The following RYK variants were observed in gnomAD, a reference collection of about 807,000 sequenced individuals.
RYK encodes inactive tyrosine-protein kinase RYK.
In RYK, 21 loss-of-function variants were observed where a neutral mutation model predicts 70.2. That is an observed-to-expected ratio of 0.30 (90% confidence interval 0.21 to 0.43). The LOEUF (loss-of-function observed/expected upper bound fraction) is 0.43. Ranked by LOEUF, RYK falls within the 20% of genes least tolerant of loss-of-function variation. The pLI is 1.00. For missense variants in RYK, 604 were observed against 753.3 expected, an observed-to-expected ratio of 0.80 and a Z score of 2.32; for synonymous variants, 267 against 278.0, an observed-to-expected ratio of 0.96 and a Z score of 0.39.
At chr3:134,196,140 A>G (rs1331000846) in intron 6 of RYK, among the ~76,000 whole-genome samples, 2 of 152,180 alleles carry the variant, frequency 1.3e-5, no homozygotes, top group Non-Finnish European at 2.9e-5. Flanking sequence ...CCTTGTGTTC[A>G]AGATTACTGC....
intron 13 of RYK, among the ~76,000 whole-genome samples, chr3:134,165,274 G>C (rs913416856): frequency 6.6e-6 from 1 of 151,932 alleles, no homozygotes. Context: ...TAGCTTTTTT[G>C]TATATCATAC....
At chr3:134,225,800 T>C (rs958543742) in intron 1 of RYK, among the ~76,000 whole-genome samples, 1 of 151,650 alleles carries the variant, frequency 6.6e-6, no homozygotes, top group Non-Finnish European at 1.5e-5. Flanking sequence ...GAGGTTACCA[T>C]GAGCTATGAT....
intron 6 of RYK, among the ~76,000 whole-genome samples, chr3:134,199,109 CGT>C (rs2013906484): frequency 6.6e-6 from 1 of 152,124 alleles, no homozygotes; most frequent in Admixed American, 6.5e-5. Context: ...ACTCATCAGG[CGT>C]AACAAAGAGA....
intron 13 of RYK, among the ~76,000 whole-genome samples, chr3:134,161,067 G>A (rs765415863): frequency 1.1e-4 from 17 of 152,140 alleles, no homozygotes; most frequent in Non-Finnish European, 2.5e-4. Context: ...AATACAGAGT[G>A]CTGAAAATAT....
At chr3:134,166,158 A>G (rs1224727325) in intron 13 of RYK, among the ~76,000 whole-genome samples, 4 of 152,172 alleles carry the variant, frequency 2.6e-5, no homozygotes. Context: ...TGATGGTATT[A>G]GGAGTTGGGG....
intron 1 of RYK, 88 bp downstream of exon 1, chr3:134,250,335 T>C: frequency 2.7e-6 from 2 of 742,932 alleles, no homozygotes; most frequent in African/African-American, 1.9e-5. Context: ...TCGCCCGAGG[T>C]CCACGGCTCG....
intron 1 of RYK, among the ~76,000 whole-genome samples, chr3:134,227,559 A>G (rs915638529): frequency 3.9e-5 from 6 of 152,116 alleles, no homozygotes; most frequent in African/African-American, 1.4e-4. Flanking sequence ...AAAAACCTTA[A>G]AATGAAAATT....
At chr3:134,235,819 A>G (rs2015185464) in intron 1 of RYK, among the ~76,000 whole-genome samples, 1 of 152,150 alleles carries the variant, frequency 6.6e-6, no homozygotes, top group African/African-American at 2.4e-5. Context: ...CAATCTATTC[A>G]GTAATGCTTT....
intron 13 of RYK, among the ~76,000 whole-genome samples, chr3:134,162,340 T>G (rs2012505864): frequency 6.6e-6 from 1 of 151,956 alleles, no homozygotes; most frequent in Admixed American, 6.6e-5. Context: ...TCTCATTCAC[T>G]TTGACAGCAG....
intron 1 of RYK, among the ~76,000 whole-genome samples, chr3:134,232,177 T>A (rs775280320): frequency 4.6e-5 from 7 of 152,172 alleles, no homozygotes; most frequent in Non-Finnish European, 1.0e-4. Flanking sequence ...CTCTTGTTTC[T>A]CCCATTCTAT....
In RYK at chr3:134,175,949, G is replaced by A; in HGVS notation, c.1396C>T (p.Leu466=). Reference sequence around the variant, plus strand: ...ACCTACACACAGTTCCTGGCAGCCAGGTCTTTGTGGATGACTTCCCTTCTG... The same window carrying A: ...ACCTACACACAGTTCCTGGCAGCCAAGTCTTTGTGGATGACTTCCCTTCTG... ...LARREVIHKD[L]AARNCVIDDT... is the part of the protein sequence containing the mutation. The change falls in exon 12 of 15, where the codon CTG becomes TTG. Residue 466 remains leucine (L), a synonymous_variant. Transcript: ENST00000623711. 1 of 1,608,272 alleles carries A rather than the reference G, an allele frequency of 6.2e-7. No individual in the cohort carries two copies. The highest frequency in any genetic ancestry group is 8.5e-7 in the Non-Finnish European group (1 of 1,176,868).
chr3:134,201,335 A>C (rs1388894855), intron 6 of RYK, among the ~76,000 whole-genome samples: 1 of 152,186 alleles, frequency 6.6e-6, no homozygotes, highest in Non-Finnish European at 1.5e-5. Context: ...ATTGAATCCA[A>C]CCAGCTCCCT....
intron 9 of RYK, among the ~76,000 whole-genome samples, chr3:134,186,940 T>C (rs1446537043): frequency 6.6e-6 from 1 of 152,158 alleles, no homozygotes. Context: ...AATAACCTTA[T>C]AGTTCAAATT....
chr3:134,170,449 G>C (rs1394573342), intron 13 of RYK: 1 of 152,208 alleles, frequency 6.6e-6, no homozygotes, highest in Non-Finnish European at 1.5e-5. Flanking sequence ...TACATGTCAT[G>C]CCCTGTGCTG....
chr3:134,224,615 T>A (rs891212592), intron 1 of RYK, among the ~76,000 whole-genome samples: 1 of 151,040 alleles, frequency 6.6e-6, no homozygotes, highest in African/African-American at 2.4e-5. Flanking sequence ...AAAGGGAGAG[T>A]CCCTTTCCTG....
At chr3:134,192,090 T>C in intron 7 of RYK, 116 bp from the exon 8 acceptor site, 2 of 1,009,444 alleles carry the variant, frequency 2.0e-6, no homozygotes, top group Admixed American at 5.4e-5. Flanking sequence ...GTAAGAATCA[T>C]AAAAGGAAAC....
rs765713202 is a variant in RYK at position 134,191,865 on chromosome 3, T to C, written c.999A>G (p.Lys333=). ...IAISRERITL[K]DVLQEGTFGR... ...AATAAATACCTTCTTGGAGTACATC[T>C]TTTAGAGTTATCCTCTCTCTGGATA... The change falls in exon 8 of 15, where the codon AAA becomes AAG. Residue 333 remains lysine (K), a synonymous_variant. Coordinates refer to ENST00000623711, the MANE Select transcript of RYK (RefSeq NM_002958.4). The C allele has an allele frequency of 6.2e-7, 1 of 1,611,048 alleles. No individual in the cohort carries two copies.
intron 14 of RYK, among the ~76,000 whole-genome samples, chr3:134,158,755 A>G (rs1308456920): frequency 6.6e-6 from 1 of 152,188 alleles, no homozygotes; most frequent in Admixed American, 6.5e-5. Flanking sequence ...CATTCTCATT[A>G]CATGGCAAGA....
chr3:134,158,512 A>G (rs1234221936), intron 14 of RYK, among the ~76,000 whole-genome samples: 2 of 152,228 alleles, frequency 1.3e-5, no homozygotes, highest in African/African-American at 4.8e-5. Context: ...CAGAGATTTC[A>G]TGTAAAAACC....
Sources: allele counts gnomAD v4.1 joint callset (sites outside exome capture counted in the v4.1 genomes callset), GRCh38; gene constraint gnomAD v4.1.1; transcripts MANE v1.5; gene names NCBI Gene and HGNC (gene_info 2026-07-23, HGNC 2026-07-21).